ADAMTSL2: variants seen among roughly 807,000 people sequenced by gnomAD.
ADAMTSL2 encodes ADAMTS like 2.
In ADAMTSL2, 55 loss-of-function variants were observed where a neutral mutation model predicts 117.0. The ratio of observed to expected loss-of-function variants is 0.47; its 90% CI spans 0.38 to 0.59. The LOEUF (loss-of-function observed/expected upper bound fraction) is 0.59. ADAMTSL2 is among the 20% of genes least tolerant of loss of function. ADAMTSL2 has a pLI of 0.00. For synonymous variants in ADAMTSL2, 572 were observed against 566.4 expected (o/e 1.01, Z -0.14); for missense variants, 1,182 against 1,354.5 (o/e 0.87, Z 2.00).
At chr9:133,562,482 C>A (rs1375927491) in intron 12 of ADAMTSL2, among the ~76,000 whole-genome samples, 2 of 130,924 alleles carry the variant, frequency 1.5e-5, no homozygotes, top group African/African-American at 2.7e-5. Context: ...GTGGCGGGCA[C>A]CCGGCTCGGC....
Position 133,536,636 on chromosome 9 carries a change from T to G in ADAMTSL2, c.-77T>G. 6.2e-7 allele frequency: 1 copy of G among 1,613,900 alleles called. No homozygotes were observed. Among genetic ancestry groups the G allele is most frequent in the Non-Finnish European group, 8.5e-7 (1 of 1,179,944 alleles). Reference sequence around the variant, plus strand: ...TGGGCACTGGCTGGGCCCCGAGGGCTCTTCCCAAAGCGTACCCTGGTCATC... The same window carrying G: ...TGGGCACTGGCTGGGCCCCGAGGGCGCTTCCCAAAGCGTACCCTGGTCATC... On this transcript the variant is annotated 5_prime_UTR_variant, in exon 2 of 19. Transcript: ENST00000651351.
At chr9:133,556,241 G>A (rs1830602683) in intron 11 of ADAMTSL2, among the ~76,000 whole-genome samples, 1 of 152,246 alleles carries the variant, frequency 6.6e-6, no homozygotes, top group South Asian at 2.1e-4. Context: ...CTCTGAGCAT[G>A]CCTTGTGAGC....
At chr9:133,550,330 T>A (rs750846186) in intron 9 of ADAMTSL2, among the ~76,000 whole-genome samples, 6 of 152,188 alleles carry the variant, frequency 3.9e-5, no homozygotes, top group Non-Finnish European at 7.3e-5. Flanking sequence ...GCTGGCACTG[T>A]GGCTCCCCGC....
At chr9:133,540,025 C>A in intron 5 of ADAMTSL2, 152 bp downstream of exon 5, 1 of 750,640 alleles carries the variant, frequency 1.3e-6, no homozygotes, top group Non-Finnish European at 2.3e-6. Context: ...GTCTCCTGAG[C>A]CCTGGCCCAG....
chr9:133,564,373 AGG>A (rs1564178385), intron 12 of ADAMTSL2, among the ~76,000 whole-genome samples: 8 of 41,336 alleles, frequency 1.9e-4, no homozygotes, highest in African/African-American at 7.6e-4. Context: ...AGGGAGAGAG[AGG>A]GAGAGAGAGG....
At chr9:133,567,541 G>A (rs1003574001) in intron 13 of ADAMTSL2, among the ~76,000 whole-genome samples, 1 of 152,176 alleles carries the variant, frequency 6.6e-6, no homozygotes, top group African/African-American at 2.4e-5. Context: ...GACAAGTGGG[G>A]TCCCCAGATG....
intron 3 of ADAMTSL2, among the ~76,000 whole-genome samples, chr9:133,537,761 A>G (rs2131091233): frequency 6.6e-6 from 1 of 152,330 alleles, no homozygotes; most frequent in South Asian, 2.1e-4. Context: ...GCTTCAGGGC[A>G]CCAGGAAAGC....
chr9:133,536,879 C>T, intron 2 of ADAMTSL2, 77 bp downstream of exon 2: 2 of 1,601,536 alleles, frequency 1.2e-6, no homozygotes, highest in Non-Finnish European at 1.7e-6. Context: ...GATGGACTGG[C>T]TTGGAGGGAG....
At position 133,556,073 on chromosome 9, in the gene ADAMTSL2, C is replaced by T; in HGVS notation, c.1649+143C>T. The T allele has an allele frequency of 3.5e-6, 4 of 1,136,300 alleles. No homozygotes were observed. The South Asian group carries it at 4.8e-5, about 14-fold the overall frequency. 70.4% of individuals were successfully genotyped at this position (1,136,300 alleles called of 1,614,324 possible). On this transcript the variant is annotated intron_variant, in intron 11 of 18. Transcript: ENST00000651351. ...GGTAGAGGAGAGAGGGCCCCTTCTT[C>T]CCGGGGTTCTCCACTCGCTGCCCCG...
intron 7 of ADAMTSL2, among the ~76,000 whole-genome samples, chr9:133,543,636 C>G (rs1830277490): frequency 6.6e-6 from 1 of 152,224 alleles, no homozygotes; most frequent in Non-Finnish European, 1.5e-5. Context: ...GCAGGAGACA[C>G]TCACCCCAGC....
At chr9:133,537,927 A>C (rs751844219) in intron 3 of ADAMTSL2, among the ~76,000 whole-genome samples, 1 of 152,210 alleles carries the variant, frequency 6.6e-6, no homozygotes, top group East Asian at 1.9e-4. Flanking sequence ...CCGCTGCCAG[A>C]TGGACCTGGC....
At chr9:133,567,124 AGGAGCAGT>A (rs1232334495) in intron 13 of ADAMTSL2, 62 bp downstream of exon 13, 12 of 1,555,706 alleles carry the variant, frequency 7.7e-6, no homozygotes, top group African/African-American at 1.3e-5. Flanking sequence ...CTCTGCCCAA[AGGAGCAGT>A]CAGACTTACC....
chr9:133,533,090 G>A (rs1829973796), upstream of ADAMTSL2, among the ~76,000 whole-genome samples: 1 of 152,200 alleles, frequency 6.6e-6, no homozygotes, highest in Non-Finnish European at 1.5e-5. Context: ...CCAGAAGAGA[G>A]AGGAAGGGGA....
At chr9:133,556,238 C>T (rs1830602561) in intron 11 of ADAMTSL2, among the ~76,000 whole-genome samples, 1 of 152,238 alleles carries the variant, frequency 6.6e-6, no homozygotes, top group Non-Finnish European at 1.5e-5. Context: ...CAGCTCTGAG[C>T]ATGCCTTGTG....
chr9:133,543,100 C>T (rs1056618528), intron 7 of ADAMTSL2, among the ~76,000 whole-genome samples: 3 of 151,264 alleles, frequency 2.0e-5, no homozygotes, highest in Non-Finnish European at 4.4e-5. Context: ...AGGCTCCCAC[C>T]GCCATGCCCA....
At position 133,570,499 on chromosome 9, in the gene ADAMTSL2, T is replaced by G; in HGVS notation, c.2584T>G (p.Trp862Gly). 6.2e-7 allele frequency: 1 copy of G among 1,611,378 alleles called. No homozygotes were observed. The highest frequency in any genetic ancestry group is 8.5e-7 in the Non-Finnish European group (1 of 1,179,372). Residue 862 changes from tryptophan to glycine, a missense_variant, in exon 17 of 19, where the codon TGG becomes GGG. Physicochemically the swap from Trp to Gly is radical, Grantham distance 184 (BLOSUM62 -2). Transcript: ENST00000651351. The part of the protein sequence containing the change: ...RPCFKWYTSP[W>G]SECTKTCGVG... ...CTGCTTCAAGTGGTACACCAGCCCC[T>G]GGTCAGAGGTGAGCTCCCAGCCGGC...
Position 133,554,261 on chromosome 9 carries a change from C to G in ADAMTSL2, c.940-96C>G. 8.6e-7 allele frequency: 1 copy of G among 1,157,030 alleles called. No individual in the cohort carries two copies. Among genetic ancestry groups the G allele is most frequent in the Non-Finnish European group, 1.2e-6 (1 of 827,096 alleles). 71.7% of individuals were successfully genotyped at this position (1,157,030 alleles called of 1,614,324 possible). A position where few individuals can be genotyped will look rare whatever the true frequency, so the allele number is the denominator to read the frequency against. ...GAGGGGGCTCAACTGCCAGTCACAG[C>G]AGGGAACGCACCCTGCAGCTCTGTG... On this transcript the variant is annotated intron_variant, in intron 9 of 18. Coordinates refer to ENST00000651351, the MANE Select transcript of ADAMTSL2 (RefSeq NM_014694.4). This position sits in a 1 kb window ranked among gnomAD's most constrained non-coding sequence, Gnocchi z 5.2.
intron 12 of ADAMTSL2, among the ~76,000 whole-genome samples, chr9:133,563,827 G>GAA (rs1830809899): frequency 1.1e-5 from 1 of 89,064 alleles, no homozygotes. Context: ...GGGAGAGAGA[G>GAA]AGAGAGAGAG....
At chr9:133,567,212 C>T (rs1278172492) in intron 13 of ADAMTSL2, 150 bp downstream of exon 13, 10 of 1,004,842 alleles carry the variant, frequency 1.0e-5, no homozygotes, top group Non-Finnish European at 1.5e-5. Flanking sequence ...ACAGACCTCA[C>T]CCCTCAGAGA....
Sources: gnomAD v4.1 joint callset for allele counts (sites outside exome capture counted in the v4.1 genomes callset) on GRCh38, gnomAD v4.1.1 for gene constraint, Gnocchi (gnomAD v3.1) non-coding constraint, MANE v1.5 for transcripts, NCBI Gene and HGNC (gene_info 2026-07-23, HGNC 2026-07-21) for gene names.